MTUS2: variants seen among roughly 807,000 people sequenced by gnomAD.
The protein encoded by MTUS2 is microtubule associated scaffold protein 2.
Under a neutral mutation model 114.1 loss-of-function variants are expected in MTUS2, and 40 were observed. The ratio of observed to expected loss-of-function variants is 0.35; its 90% CI spans 0.27 to 0.46. The LOEUF (loss-of-function observed/expected upper bound fraction) is 0.46. MTUS2 is among the 20% of genes least tolerant of loss of function. The pLI is 1.00. For synonymous variants in MTUS2, 688 were observed against 672.0 expected (o/e 1.02, Z -0.37); for missense variants, 1,679 against 1,705.4 (o/e 0.98, Z 0.27).
At chr13:29,258,304 C>G (rs1046339387) in intron 5 of MTUS2, among the ~76,000 whole-genome samples, 4 of 152,134 alleles carry the variant, frequency 2.6e-5, no homozygotes, top group Non-Finnish European at 5.9e-5. Context: ...CTATGTGGTC[C>G]CCCACCTTCA....
intron 4 of MTUS2, among the ~76,000 whole-genome samples, chr13:29,058,938 C>A (rs1888277467): frequency 6.6e-6 from 1 of 152,078 alleles, no homozygotes; most frequent in African/African-American, 2.4e-5. Flanking sequence ...CTTAAAATGG[C>A]CATTTCATCT....
intron 2 of MTUS2, among the ~76,000 whole-genome samples, chr13:28,971,650 A>G (rs957310580): frequency 6.6e-6 from 1 of 152,230 alleles, no homozygotes; most frequent in East Asian, 1.9e-4. Flanking sequence ...CATTGCTATT[A>G]CCACTAATAA....
chr13:28,919,697 A>C (rs1397243931), intron 2 of MTUS2, among the ~76,000 whole-genome samples: 1 of 152,100 alleles, frequency 6.6e-6, no homozygotes, highest in Non-Finnish European at 1.5e-5. Flanking sequence ...TTTAAGGCCA[A>C]AAAACTCTTA....
chr13:28,969,869 C>T (rs890504402), intron 2 of MTUS2, among the ~76,000 whole-genome samples: 4 of 152,194 alleles, frequency 2.6e-5, no homozygotes, highest in Non-Finnish European at 5.9e-5. Flanking sequence ...CAACCTCTGC[C>T]TCCTGGGTTC....
chr13:29,305,669 C>T (rs965754300), intron 6 of MTUS2, among the ~76,000 whole-genome samples: 6 of 151,992 alleles, frequency 3.9e-5, no homozygotes, highest in South Asian at 2.1e-4. Flanking sequence ...TAAAAAAACC[C>T]GTGACCAGAT....
chr13:28,914,859 T>A (rs191638251), intron 2 of MTUS2, among the ~76,000 whole-genome samples: 1 of 151,884 alleles, frequency 6.6e-6, no homozygotes, highest in African/African-American at 2.4e-5. Context: ...TCTTTTTTAT[T>A]TTTATTTTTT....
At position 29,389,809 on chromosome 13, in the gene MTUS2, G is replaced by A. The variant is rs1336377332; in HGVS notation, c.3117+30336G>A. 7.4e-5 allele frequency among the ~76,000 whole-genome samples: 5 copies of A among 67,200 alleles called. 2 individuals are homozygous for A. Among genetic ancestry groups the A allele is most frequent in the African/African-American group, 3.7e-4 (5 of 13,488 alleles). The allele number at this position is 67,200 out of a possible 152,430, so 44.1% of individuals were successfully genotyped here. A position where few individuals can be genotyped will look rare whatever the true frequency, so the allele number is the denominator to read the frequency against. On this transcript the variant is annotated intron_variant, in intron 8 of 15. Coordinates refer to ENST00000612955, the MANE Select transcript of MTUS2 (RefSeq NM_001033602.4). ...TGTATATGTATATACATACATATGT[G>A]TATATATACATACATATGTGTATAT...
At chr13:28,838,596 C>T (rs1360758846) in intron 1 of MTUS2, among the ~76,000 whole-genome samples, 1 of 152,168 alleles carries the variant, frequency 6.6e-6, no homozygotes, top group Non-Finnish European at 1.5e-5. Context: ...TCCATCTGCC[C>T]CCTGCATCTT....
chr13:29,237,678 C>T (rs1278798770), intron 5 of MTUS2, among the ~76,000 whole-genome samples: 1 of 152,132 alleles, frequency 6.6e-6, no homozygotes, highest in Admixed American at 6.5e-5. Context: ...ACTTTGTATA[C>T]CTGGAGATTT....
chr13:28,935,007 T>G (rs367979321), intron 2 of MTUS2, among the ~76,000 whole-genome samples: 1 of 87,160 alleles, frequency 1.1e-5, no homozygotes, highest in Non-Finnish European at 2.4e-5. Flanking sequence ...CTCCATAGCG[T>G]TTTTTTTTTT....
intron 8 of MTUS2, among the ~76,000 whole-genome samples, chr13:29,435,949 C>T (rs1353468922): frequency 6.6e-6 from 1 of 152,154 alleles, no homozygotes. Flanking sequence ...CAACTACTCT[C>T]TCAGAAGTTA....
chr13:28,842,179 C>T (rs896131475), intron 2 of MTUS2, among the ~76,000 whole-genome samples: 2 of 151,752 alleles, frequency 1.3e-5, no homozygotes, highest in Admixed American at 1.3e-4. Context: ...CCCCAACACA[C>T]AAATGATCTA....
intron 9 of MTUS2, among the ~76,000 whole-genome samples, chr13:29,454,545 A>T (rs879877974): frequency 1.3e-5 from 2 of 152,220 alleles, no homozygotes; most frequent in Non-Finnish European, 2.9e-5. Context: ...ACCTGGGAGC[A>T]AGGTGATAGT....
intron 3 of MTUS2, 43 bp downstream of exon 3, chr13:29,026,946 C>G (rs1187785738): frequency 1.3e-6 from 2 of 1,488,698 alleles, no homozygotes; most frequent in Non-Finnish European, 1.8e-6. Flanking sequence ...GTTGACTGTC[C>G]CAATATCTGT....
chr13:29,491,764 G>T (rs538881783), intron 11 of MTUS2, among the ~76,000 whole-genome samples: 44 of 149,626 alleles, frequency 2.9e-4, no homozygotes, highest in Admixed American at 2.4e-3. Flanking sequence ...CGTGTGGTAT[G>T]TGTGTGATGT....
intron 6 of MTUS2, among the ~76,000 whole-genome samples, chr13:29,296,094 A>C (rs576290969): frequency 6.6e-6 from 1 of 152,288 alleles, no homozygotes; most frequent in African/African-American, 2.4e-5. Flanking sequence ...TGCTGCCATA[A>C]ATTTGGGAGT....
intron 5 of MTUS2, among the ~76,000 whole-genome samples, chr13:29,233,849 G>T (rs1182484285): frequency 1.3e-5 from 2 of 152,092 alleles, no homozygotes; most frequent in Non-Finnish European, 2.9e-5. Context: ...ATTTCAGAAG[G>T]TTATTCTCAT....
intron 5 of MTUS2, among the ~76,000 whole-genome samples, chr13:29,117,202 C>G (rs1218035054): frequency 6.6e-6 from 1 of 152,192 alleles, no homozygotes; most frequent in African/African-American, 2.4e-5. Flanking sequence ...TTGATAGCCC[C>G]TCAGCTTGGA....
chr13:29,125,432 G>C (rs545166379), intron 5 of MTUS2, among the ~76,000 whole-genome samples: 1 of 152,306 alleles, frequency 6.6e-6, no homozygotes, highest in South Asian at 2.1e-4. Flanking sequence ...GCTGTCAACA[G>C]AAGCAAATCT....
Sources: gnomAD v4.1 joint callset for allele counts (sites outside exome capture counted in the v4.1 genomes callset) on GRCh38, gnomAD v4.1.1 for gene constraint, MANE v1.5 for transcripts, NCBI Gene and HGNC (gene_info 2026-07-23, HGNC 2026-07-21) for gene names.